Variants in PRSS48 observed in about 807,000 individuals in gnomAD.
The protein encoded by PRSS48 is serine protease 48.
Under a neutral mutation model 25.6 loss-of-function variants are expected in PRSS48, and 21 were observed. The observed-to-expected ratio is 0.82, with a 90% confidence interval of 0.58 to 1.18. The LOEUF (loss-of-function observed/expected upper bound fraction) is 1.18. PRSS48 is among the 50% of genes most tolerant of loss of function. The pLI, the probability that PRSS48 is intolerant of heterozygous loss-of-function variation, is 0.00. For missense variants in PRSS48, 373 were observed against 399.3 expected (o/e 0.93, Z 0.56); for synonymous variants, 150 against 149.3 (o/e 1.00, Z -0.04).
chr4:151,283,118 T>C (rs772665131), exon 4 of PRSS48: 35 of 1,613,552 alleles, frequency 2.2e-5, no homozygotes, highest in Non-Finnish European at 2.5e-5. Context: ...CCTCCACAGA[T>C]AGAGATTACC....
chr4:151,281,482 T>C (rs1375366845), intron 2 of PRSS48, among the ~76,000 whole-genome samples: 1 of 152,070 alleles, frequency 6.6e-6, no homozygotes, highest in Non-Finnish European at 1.5e-5. Context: ...TAGACAGCGA[T>C]GTGTAAGAAA....
intron 2 of PRSS48, among the ~76,000 whole-genome samples, chr4:151,281,005 CA>C (rs1468134398): frequency 1.3e-5 from 2 of 151,870 alleles, no homozygotes; most frequent in Admixed American, 1.3e-4. Flanking sequence ...TCTGCTCCAC[CA>C]AAATAAAGGG....
At chr4:151,286,937 G>A (rs997796523) in intron 4 of PRSS48, among the ~76,000 whole-genome samples, 4 of 151,074 alleles carry the variant, frequency 2.6e-5, no homozygotes, top group Middle Eastern at 3.5e-3. Flanking sequence ...CCGAGATCGC[G>A]CCACTGCACT....
chr4:151,286,282 A>G (rs964847066), intron 4 of PRSS48, among the ~76,000 whole-genome samples: 38 of 151,372 alleles, frequency 2.5e-4, no homozygotes, highest in Admixed American at 2.4e-3. Flanking sequence ...CAGAAAGACA[A>G]TAGAGAAAAT....
intron 4 of PRSS48, among the ~76,000 whole-genome samples, chr4:151,287,947 G>A (rs1324427648): frequency 1.3e-5 from 2 of 152,004 alleles, no homozygotes; most frequent in African/African-American, 4.8e-5. Flanking sequence ...TTTATCCCAG[G>A]AAACTTAGGT....
exon 2 of PRSS48, chr4:151,279,892 A>G (rs1238561800): frequency 4.3e-6 from 7 of 1,613,670 alleles, no homozygotes; most frequent in South Asian, 3.3e-5. Flanking sequence ...TTTGACCACA[A>G]CTTTATCTGT....
At chr4:151,280,696 T>C (rs752129363) in intron 2 of PRSS48, among the ~76,000 whole-genome samples, 1 of 151,838 alleles carries the variant, frequency 6.6e-6, no homozygotes. Context: ...GAGGCTGAGG[T>C]AGAAGGATCA....
At chr4:151,277,168 G>C (rs1374275951), upstream of PRSS48, 1 of 1,466,570 alleles carries the variant, frequency 6.8e-7, no homozygotes, top group South Asian at 1.4e-5. Context: ...TCTGAGGACA[G>C]AGACATGGGC....
intron 4 of PRSS48, among the ~76,000 whole-genome samples, chr4:151,286,120 G>T (rs1774731723): frequency 7.0e-6 from 1 of 141,990 alleles, no homozygotes; most frequent in Non-Finnish European, 1.5e-5. Context: ...GTTCAAGGCT[G>T]CAGTGAGCTA....
intron 4 of PRSS48, 42 bp from the exon 5 acceptor site, chr4:151,291,076 G>A: frequency 6.9e-7 from 1 of 1,454,816 alleles, no homozygotes; most frequent in Non-Finnish European, 9.4e-7. Flanking sequence ...TCTTCTTTAT[G>A]CCTCTTTTCA....
exon 5 of PRSS48, chr4:151,291,450 A>G (rs764953649): frequency 5.0e-6 from 8 of 1,597,820 alleles, no homozygotes; most frequent in Non-Finnish European, 6.9e-6. Context: ...CCAGGGGCAG[A>G]TAACTCACAG....
intron 2 of PRSS48, 68 bp from the exon 3 acceptor site, chr4:151,282,080 C>A: frequency 6.5e-7 from 1 of 1,532,784 alleles, no homozygotes. Flanking sequence ...AGACTTAGTG[C>A]TACATATAGG....
chr4:151,278,610 T>C (rs1035935152), intron 1 of PRSS48, among the ~76,000 whole-genome samples: 3 of 151,964 alleles, frequency 2.0e-5, no homozygotes, highest in African/African-American at 7.2e-5. Context: ...GGTTTCCTTC[T>C]GCCCTGCCTA....
At chr4:151,282,067 TAG>T in intron 2 of PRSS48, 79 bp from the exon 3 acceptor site, 4 of 1,445,760 alleles carry the variant, frequency 2.8e-6, no homozygotes, top group South Asian at 1.3e-5. Context: ...CTTTCTTGAG[TAG>T]AGACTTAGTG....
chr4:151,278,042 C>T (rs1034697371), intron 1 of PRSS48, among the ~76,000 whole-genome samples: 2 of 151,794 alleles, frequency 1.3e-5, no homozygotes, highest in Non-Finnish European at 2.9e-5. Context: ...CCCCGTCCCC[C>T]CAAAAAACAG....
intron 3 of PRSS48, 107 bp downstream of exon 3, chr4:151,282,520 C>A: frequency 9.3e-7 from 1 of 1,073,370 alleles, no homozygotes; most frequent in Non-Finnish European, 1.3e-6. Flanking sequence ...TTCAACAAAA[C>A]CAGATCAATC....
At position 151,280,093 on chromosome 4, in the gene PRSS48, C is replaced by T. The variant is rs1426245419; in HGVS notation, c.215+135C>T. ...GGAAACCCAGGTCATGTCAGACTAT[C>T]AAACCCGAAACAACTAGAGACAGGG... On this transcript the variant is annotated intron_variant, in intron 2 of 4. Coordinates refer to ENST00000455694, the Ensembl canonical transcript of PRSS48. 3.7e-6 allele frequency: 4 copies of T among 1,078,598 alleles called. No homozygotes were observed. The African/African-American group carries it at 6.5e-5, about 17-fold the overall frequency. The allele number at this position is 1,078,598 out of a possible 1,614,324, so 66.8% of individuals were successfully genotyped here. A position where few individuals can be genotyped will look rare whatever the true frequency, so the allele number is the denominator to read the frequency against.
chr4:151,283,224 C>A, exon 4 of PRSS48: 1 of 1,613,788 alleles, frequency 6.2e-7, no homozygotes, highest in Non-Finnish European at 8.5e-7. Flanking sequence ...AGCACTGGAG[C>A]CAGTCATCAA....
At chr4:151,288,149 CA>C (rs1192716134) in intron 4 of PRSS48, among the ~76,000 whole-genome samples, 1 of 151,478 alleles carries the variant, frequency 6.6e-6, no homozygotes, top group Non-Finnish European at 1.5e-5. Flanking sequence ...AGTGCAACTA[CA>C]AAAAAACCCA....
Sources: gnomAD v4.1 joint callset for allele counts (sites outside exome capture counted in the v4.1 genomes callset) on GRCh38, gnomAD v4.1.1 for gene constraint, MANE v1.5 for transcripts, NCBI Gene and HGNC (gene_info 2026-07-23, HGNC 2026-07-21) for gene names.